Variants in KIAA0319L observed in about 807,000 individuals in gnomAD.
KIAA0319L encodes the protein KIAA0319 like, also known as dyslexia-associated protein KIAA0319-like protein.
KIAA0319L carries 55 observed loss-of-function variants against 120.1 expected under a neutral mutation model. The ratio of observed to expected loss-of-function variants is 0.46; its 90% CI spans 0.37 to 0.57. The LOEUF (loss-of-function observed/expected upper bound fraction) is 0.57, where lower values mean the gene tolerates loss of function less well. KIAA0319L is among the 20% of genes least tolerant of loss of function. The pLI, the probability that KIAA0319L is intolerant of heterozygous loss-of-function variation, is 0.00. For missense variants in KIAA0319L, 1,049 were observed against 1,255.3 expected (o/e 0.84, Z 2.48); for synonymous variants, 398 against 471.9 (o/e 0.84, Z 2.03).
intron 7 of KIAA0319L, 104 bp from the exon 8 acceptor site, chr1:35,462,817 T>A (rs1207332875): frequency 4.5e-6 from 4 of 897,752 alleles, no homozygotes; most frequent in Non-Finnish European, 6.9e-6. Flanking sequence ...ACATCAGTGG[T>A]CCCTAGCCTT....
chr1:35,495,232 G>A (rs1644755239), intron 3 of KIAA0319L, among the ~76,000 whole-genome samples: 1 of 152,060 alleles, frequency 6.6e-6, no homozygotes, highest in African/African-American at 2.4e-5. Flanking sequence ...AATTAACCAG[G>A]CGTGGTGGTG....
intron 3 of KIAA0319L, among the ~76,000 whole-genome samples, chr1:35,490,532 T>C (rs1644552313): frequency 6.6e-6 from 1 of 152,116 alleles, no homozygotes; most frequent in East Asian, 1.9e-4. Context: ...AAAAAAAATG[T>C]AAATCAATTA....
intron 2 of KIAA0319L, among the ~76,000 whole-genome samples, chr1:35,540,598 C>G (rs1049705500): frequency 2.0e-5 from 3 of 152,212 alleles, no homozygotes. Context: ...GTGAGAGAGA[C>G]AGAGCACTGG....
intron 4 of KIAA0319L, among the ~76,000 whole-genome samples, chr1:35,477,441 A>G (rs11809027): frequency 0.013 from 1,959 of 152,104 alleles, 46 homozygotes; most frequent in African/African-American, 0.041. Context: ...GCCAAGGCGG[A>G]CGGATCACAA....
chr1:35,489,995 C>T (rs1275833783), intron 3 of KIAA0319L, among the ~76,000 whole-genome samples: 1 of 152,104 alleles, frequency 6.6e-6, no homozygotes, highest in East Asian at 1.9e-4. Flanking sequence ...GGGTCTCACT[C>T]TATCACCCAG....
rs1161534273 is a variant in KIAA0319L, at chr1:35,435,194, C to G, written c.2963-113G>C. The stretch of plus-strand genomic sequence containing the variant: ...GGAACAGGGCAAGTCACAGGCTCCT[C>G]TCCAGGCTGGGAGGTGCAGATGGGA... On this transcript the variant is annotated intron_variant, in intron 20 of 20. Coordinates refer to ENST00000325722, the MANE Select transcript of KIAA0319L (RefSeq NM_024874.5). 1.7e-5 allele frequency: 16 copies of G among 954,918 alleles called. 1 individual carries two copies. The South Asian group carries it at 1.9e-4, about 11-fold the overall frequency. The allele number at this position is 954,918 out of a possible 1,614,324, so 59.2% of individuals were successfully genotyped here. A position where few individuals can be genotyped will look rare whatever the true frequency, so the allele number is the denominator to read the frequency against.
chr1:35,468,835 G>A (rs1204663080), intron 6 of KIAA0319L, among the ~76,000 whole-genome samples: 4 of 152,174 alleles, frequency 2.6e-5, no homozygotes, highest in African/African-American at 9.7e-5. Flanking sequence ...GAGATGGAAA[G>A]CTCCAGTTTA....
At chr1:35,516,601 C>T (rs1342301592) in intron 2 of KIAA0319L, among the ~76,000 whole-genome samples, 1 of 152,178 alleles carries the variant, frequency 6.6e-6, no homozygotes, top group African/African-American at 2.4e-5. Context: ...AAACATCATA[C>T]TGAATGGGCA....
chr1:35,499,366 A>G (rs955105394), intron 3 of KIAA0319L, among the ~76,000 whole-genome samples: 2 of 152,148 alleles, frequency 1.3e-5, no homozygotes, highest in African/African-American at 4.8e-5. Flanking sequence ...GTGCTCTTAG[A>G]AAACGGACCA....
In KIAA0319L at chr1:35,453,595, A is replaced by G; in HGVS notation, c.1875T>C (p.Asp625=). The change falls in exon 12 of 21, where the codon GAT becomes GAC. Residue 625 remains aspartate, a synonymous_variant. Transcript: ENST00000325722. The surrounding 1 kb of genome is among the most constrained non-coding windows in gnomAD (Gnocchi z 4.1). ...STTLDGSKSS[D]DQKIISYLWE... is the part of the protein sequence containing the mutation. ...AGAGATATGAGATAATTTTCTGATC[A>G]TCTGAGCTCTTGCTGCCATCCAGGG... 1 of 1,614,138 alleles carries G rather than the reference A, an allele frequency of 6.2e-7. No individual in the cohort carries two copies. The highest frequency in any genetic ancestry group is 1.3e-5 in the African/African-American group (1 of 75,044).
At chr1:35,522,375 G>C (rs1645959265) in intron 2 of KIAA0319L, among the ~76,000 whole-genome samples, 1 of 151,398 alleles carries the variant, frequency 6.6e-6, no homozygotes, top group African/African-American at 2.4e-5. Context: ...CGCCTCCCAG[G>C]TTCAAGTGAT....
chr1:35,443,061 A>T, intron 17 of KIAA0319L, 33 bp from the exon 18 acceptor site: 1 of 1,613,798 alleles, frequency 6.2e-7, no homozygotes. Flanking sequence ...GAAAGTCAAC[A>T]AGACTCAGCC....
intron 8 of KIAA0319L, 33 bp downstream of exon 8, chr1:35,462,588 C>A: frequency 6.6e-7 from 1 of 1,523,272 alleles, no homozygotes. Context: ...GGTGAATGTT[C>A]TTCTAAAACA....
chr1:35,486,010 G>A (rs770462855), intron 3 of KIAA0319L, among the ~76,000 whole-genome samples: 8 of 152,144 alleles, frequency 5.3e-5, no homozygotes, highest in Admixed American at 3.3e-4. Flanking sequence ...CCAGAGCTGA[G>A]TAATGGAGGT....
At chr1:35,551,594 C>T (rs1051679270) in intron 2 of KIAA0319L, among the ~76,000 whole-genome samples, 2 of 152,162 alleles carry the variant, frequency 1.3e-5, no homozygotes, top group Non-Finnish European at 2.9e-5. Flanking sequence ...GCTGGGATTA[C>T]AGGCATGAGC....
chr1:35,552,487 C>G (rs1647303514), intron 2 of KIAA0319L, among the ~76,000 whole-genome samples: 1 of 152,124 alleles, frequency 6.6e-6, no homozygotes, highest in Admixed American at 6.6e-5. Context: ...TGACCTTGGC[C>G]AAGTCATTCT....
intron 9 of KIAA0319L, among the ~76,000 whole-genome samples, chr1:35,459,763 T>C (rs1272994993): frequency 6.6e-6 from 1 of 152,110 alleles, no homozygotes; most frequent in Non-Finnish European, 1.5e-5. Context: ...TACGCAAACA[T>C]AAGGAGGATT....
chr1:35,505,276 C>T (rs1030531496), intron 3 of KIAA0319L, among the ~76,000 whole-genome samples: 1 of 152,086 alleles, frequency 6.6e-6, no homozygotes, highest in South Asian at 2.1e-4. Flanking sequence ...TATAGTACCT[C>T]GCAAGTAAAT....
chr1:35,523,738 C>T (rs1437686875), intron 2 of KIAA0319L, among the ~76,000 whole-genome samples: 1 of 152,178 alleles, frequency 6.6e-6, no homozygotes, highest in African/African-American at 2.4e-5. Context: ...CTCAGAGATA[C>T]ATGGAATATG....
Sources: allele counts gnomAD v4.1 joint callset (sites outside exome capture counted in the v4.1 genomes callset), GRCh38; gene constraint gnomAD v4.1.1; non-coding constraint Gnocchi (gnomAD v3.1); transcripts MANE v1.5; gene names NCBI Gene and HGNC (gene_info 2026-07-23, HGNC 2026-07-21).